The following GLI3 variants were observed in gnomAD, a reference collection of about 807,000 sequenced individuals.
The protein encoded by GLI3 is transcription activator GLI3.
Under a neutral mutation model 100.8 loss-of-function variants are expected in GLI3, and 20 were observed. That is an observed-to-expected ratio of 0.20 (90% confidence interval 0.14 to 0.29). GLI3 has a LOEUF of 0.29. Among genes scored for constraint, GLI3 ranks in the 10% least tolerant of loss-of-function variants. The probability of loss-of-function intolerance (pLI) is 1.00; values close to 1 mark genes in which losing one functional copy is unlikely to be tolerated. For synonymous variants in GLI3, 938 were observed against 860.5 expected, an observed-to-expected ratio of 1.09 and a Z score of -1.58; for missense variants, 2,040 against 2,128.5, an observed-to-expected ratio of 0.96 and a Z score of 0.82.
At chr7:41,976,776 T>C (rs1251634023) in intron 12 of GLI3, among the ~76,000 whole-genome samples, 2 of 152,202 alleles carry the variant, frequency 1.3e-5, no homozygotes, top group African/African-American at 2.4e-5. Flanking sequence ...CAAGAGAAGA[T>C]TTCACAGACA....
intron 2 of GLI3, among the ~76,000 whole-genome samples, chr7:42,220,729 T>C (rs1788469489): frequency 6.6e-6 from 1 of 152,272 alleles, no homozygotes; most frequent in Admixed American, 6.5e-5. Flanking sequence ...TCCTTTCTTT[T>C]ACTTGTTCCT....
At chr7:41,990,135 A>C (rs1271676113) in intron 10 of GLI3, among the ~76,000 whole-genome samples, 1 of 124,338 alleles carries the variant, frequency 8.0e-6, no homozygotes, top group Non-Finnish European at 1.6e-5. Flanking sequence ...ACACACACAC[A>C]CACACACACA....
At chr7:42,007,961 G>C (rs1347265598) in intron 10 of GLI3, among the ~76,000 whole-genome samples, 1 of 152,182 alleles carries the variant, frequency 6.6e-6, no homozygotes, top group African/African-American at 2.4e-5. Flanking sequence ...AAAACTGCTG[G>C]AGTGTTATAA....
chr7:41,997,637 C>T (rs866854510), intron 10 of GLI3, among the ~76,000 whole-genome samples: 192 of 152,304 alleles, frequency 1.3e-3, no homozygotes, highest in African/African-American at 3.9e-3. Flanking sequence ...ATCAAAATCC[C>T]TCAAATGATA....
At chr7:41,975,394 T>C (rs1229386791) in intron 12 of GLI3, among the ~76,000 whole-genome samples, 2 of 152,222 alleles carry the variant, frequency 1.3e-5, no homozygotes, top group Non-Finnish European at 2.9e-5. Flanking sequence ...CAAATCTGGA[T>C]TTCCTGGACA....
chr7:41,966,184 G>C lies in GLI3; in HGVS notation c.2889C>G (p.Ala963=), dbSNP rs747370668. The change falls in exon 15 of 15, where the codon GCC becomes GCG. Residue 963 remains alanine, a synonymous_variant. Coordinates refer to ENST00000395925, the MANE Select transcript of GLI3 (RefSeq NM_000168.6). The surrounding 1 kb of genome is among the most constrained non-coding windows in gnomAD (Gnocchi z 5.8). ...GAGGCAGGGCCACGCCAGGCTCGAG[G>C]GCATCCCCGAGCAGCGCCAGGCGCG... ...LKTRLALLGD[A]LEPGVALPPV... is the part of the protein sequence containing the mutation. The C allele has an allele frequency of 3.1e-6, 5 of 1,604,104 alleles. No individual in the cohort carries two copies. The South Asian group carries it at 5.5e-5, about 18-fold the overall frequency.
At chr7:42,174,497 T>G (rs73688665) in intron 2 of GLI3, among the ~76,000 whole-genome samples, 3,585 of 152,218 alleles carry the variant, frequency 0.024, 143 homozygotes, top group African/African-American at 0.082. Context: ...ATTCATTTCC[T>G]CCCCTGGAAA....
intron 10 of GLI3, among the ~76,000 whole-genome samples, chr7:42,004,058 TA>T (rs1788383823): frequency 6.6e-6 from 1 of 152,150 alleles, no homozygotes; most frequent in African/African-American, 2.4e-5. Context: ...GTCAGTAAAG[TA>T]ACTACAATCA....
chr7:42,068,061 C>T (rs1057439723), intron 4 of GLI3, among the ~76,000 whole-genome samples: 3 of 152,226 alleles, frequency 2.0e-5, no homozygotes, highest in African/African-American at 4.8e-5. Context: ...ATTGGAAATG[C>T]ACTCACATGC....
intron 3 of GLI3, among the ~76,000 whole-genome samples, chr7:42,139,764 C>T (rs901065172): frequency 2.6e-5 from 4 of 152,170 alleles, no homozygotes; most frequent in African/African-American, 4.8e-5. Context: ...CAGCCAGGGA[C>T]GCCTGGGAGG....
intron 3 of GLI3, among the ~76,000 whole-genome samples, chr7:42,114,763 G>A (rs10235569): frequency 0.075 from 11,474 of 152,088 alleles, 1,347 homozygotes; most frequent in African/African-American, 0.25. Context: ...GTGCAGTGGT[G>A]TGATCTCGGC....
At chr7:42,193,562 C>A (rs983799029) in intron 2 of GLI3, among the ~76,000 whole-genome samples, 24 of 152,216 alleles carry the variant, frequency 1.6e-4, no homozygotes, top group African/African-American at 5.8e-4. Flanking sequence ...TCAGGTGGGA[C>A]GTTTTCTCCC....
intron 2 of GLI3, among the ~76,000 whole-genome samples, chr7:42,184,744 G>C (rs1173654106): frequency 6.6e-6 from 1 of 152,004 alleles, no homozygotes; most frequent in African/African-American, 2.4e-5. Context: ...TCATTCCTGG[G>C]GCAGCCCTCA....
At chr7:42,040,959 C>G (rs955065551) in intron 6 of GLI3, among the ~76,000 whole-genome samples, 2 of 152,090 alleles carry the variant, frequency 1.3e-5, no homozygotes, top group African/African-American at 4.8e-5. Flanking sequence ...GGTCACCCTC[C>G]CCACAATAAA....
chr7:42,173,118 T>G (rs1292826396), intron 2 of GLI3, among the ~76,000 whole-genome samples: 2 of 152,148 alleles, frequency 1.3e-5, no homozygotes, highest in Non-Finnish European at 2.9e-5. Flanking sequence ...CTCCCACAGG[T>G]AGATGTACCA....
intron 4 of GLI3, among the ~76,000 whole-genome samples, chr7:42,058,179 T>G (rs1337212730): frequency 6.6e-6 from 1 of 152,336 alleles, no homozygotes; most frequent in African/African-American, 2.4e-5. Context: ...TGATCCCATT[T>G]ATATAAAGTT....
At chr7:42,182,664 A>ACATGTG (rs1554337046) in intron 2 of GLI3, among the ~76,000 whole-genome samples, 1 of 78,328 alleles carries the variant, frequency 1.3e-5, no homozygotes, top group African/African-American at 6.4e-5. Flanking sequence ...ATATATATAT[A>ACATGTG]TATATATATA....
In GLI3 at chr7:41,988,474, A is replaced by G. The variant is rs868326910; in HGVS notation, c.1498-9726T>C. Among the ~76,000 whole-genome samples, 138 of 82,522 alleles carry G rather than the reference A, an allele frequency of 1.7e-3. 1 individual carries two copies. Among genetic ancestry groups the G allele is most frequent in the Non-Finnish European group, 2.2e-3 (88 of 40,170 alleles). The allele number at this position is 82,522 out of a possible 152,430, so 54.1% of individuals were successfully genotyped here. A position where few individuals can be genotyped will look rare whatever the true frequency, so the allele number is the denominator to read the frequency against. ...ATGAAACTCCATCTCAAAAAAAAAA[A>G]GGGGGGGGGGGTGGGGCCTTAAGGA... On this transcript the variant is annotated intron_variant, in intron 10 of 14. Transcript: ENST00000395925.
chr7:42,012,240 CA>C (rs1161819800), intron 10 of GLI3, among the ~76,000 whole-genome samples: 1 of 152,174 alleles, frequency 6.6e-6, no homozygotes, highest in Non-Finnish European at 1.5e-5. Context: ...GCTGAACAGA[CA>C]GCCCTGTTAC....
Sources: allele counts gnomAD v4.1 joint callset (sites outside exome capture counted in the v4.1 genomes callset), GRCh38; gene constraint gnomAD v4.1.1; non-coding constraint Gnocchi (gnomAD v3.1); transcripts MANE v1.5; gene names NCBI Gene and HGNC (gene_info 2026-07-23, HGNC 2026-07-21).